TPD52L2: variants seen among roughly 807,000 people sequenced by gnomAD.
The protein encoded by TPD52L2 is TPD52 like 2.
A neutral mutation model predicts 24.7 loss-of-function variants in TPD52L2; 19 were observed. The ratio of observed to expected loss-of-function variants is 0.77; its 90% CI spans 0.54 to 1.13. TPD52L2 has a LOEUF of 1.13. Ranked by LOEUF, TPD52L2 falls within the 50% of genes most tolerant of loss-of-function variation. The probability of loss-of-function intolerance (pLI) is 0.00; values close to 1 mark genes in which losing one functional copy is unlikely to be tolerated. For missense variants in TPD52L2, 236 were observed against 250.4 expected (o/e 0.94, Z 0.39); for synonymous variants, 104 against 100.2 (o/e 1.04, Z -0.23).
chr20:63,868,626 A>G (rs2052348086), intron 1 of TPD52L2, among the ~76,000 whole-genome samples: 2 of 152,184 alleles, frequency 1.3e-5, no homozygotes, highest in South Asian at 4.1e-4. Context: ...TATATTAACC[A>G]TATTAGGTTC....
At chr20:63,873,568 TAAGCGGA>T in intron 2 of TPD52L2, 93 bp from the exon 3 acceptor site, 1 of 1,365,696 alleles carries the variant, frequency 7.3e-7, no homozygotes, top group East Asian at 2.7e-5. Context: ...AATGCTTTGG[TAAGCGGA>T]AAGTTCTTGT....
At chr20:63,869,572 G>A (rs1295066069) in intron 2 of TPD52L2, 131 bp downstream of exon 2, 4 of 1,131,786 alleles carry the variant, frequency 3.5e-6, no homozygotes, top group African/African-American at 3.1e-5. Flanking sequence ...TCTGTGTTCC[G>A]ACTGATAACG....
In TPD52L2 at chr20:63,866,116, A is replaced by C. The variant is rs28401205; in HGVS notation, c.19+732A>C. Among the ~76,000 whole-genome samples the C allele has an allele frequency of 1.9e-4, 28 of 148,706 alleles. No homozygotes were observed. The South Asian group carries it at 4.6e-3, about 24-fold the overall frequency. On this transcript the variant is annotated intron_variant, in intron 1 of 6. Coordinates refer to ENST00000346249, the MANE Select transcript of TPD52L2 (RefSeq NM_003288.4). Reference sequence around the variant, plus strand: ...TCTTTCTTTCTTTCTTTCTTTCTTTATTTTTTTGAGACGGAGTCTTGCTCT... The same window carrying C: ...TCTTTCTTTCTTTCTTTCTTTCTTTCTTTTTTTGAGACGGAGTCTTGCTCT...
At chr20:63,880,735 A>C (rs1192352252) in intron 4 of TPD52L2, among the ~76,000 whole-genome samples, 1 of 152,004 alleles carries the variant, frequency 6.6e-6, no homozygotes, top group African/African-American at 2.4e-5. Context: ...CCAAAAATAC[A>C]AAAAAATTAG....
intron 5 of TPD52L2, chr20:63,888,819 G>T (rs2053226432): frequency 3.5e-6 from 1 of 286,558 alleles, no homozygotes; most frequent in Non-Finnish European, 6.8e-6. Flanking sequence ...TGTCCCTGTA[G>T]GGGACAGCAG....
intron 5 of TPD52L2, among the ~76,000 whole-genome samples, chr20:63,884,523 G>A (rs1274828059): frequency 6.6e-6 from 1 of 152,224 alleles, no homozygotes; most frequent in Non-Finnish European, 1.5e-5. Flanking sequence ...CAGTCCTAGG[G>A]TTTTGATCTG....
At chr20:63,887,762 C>T (rs2053188353) in intron 5 of TPD52L2, 1 of 721,982 alleles carries the variant, frequency 1.4e-6, no homozygotes, top group South Asian at 1.7e-5. Context: ...CGGTAAAAAC[C>T]CCCTCTAGGC....
intron 3 of TPD52L2, among the ~76,000 whole-genome samples, chr20:63,875,461 T>A (rs1457984868): frequency 6.6e-6 from 1 of 152,252 alleles, no homozygotes; most frequent in Non-Finnish European, 1.5e-5. Context: ...GGCCCATGTT[T>A]TTGTCCTAGG....
chr20:63,866,975 C>T (rs553889503), intron 1 of TPD52L2, among the ~76,000 whole-genome samples: 5 of 147,342 alleles, frequency 3.4e-5, no homozygotes, highest in Non-Finnish European at 6.0e-5. Context: ...TTTTTTGAGA[C>T]GGATTTTCGC....
intron 3 of TPD52L2, among the ~76,000 whole-genome samples, chr20:63,874,375 T>TTTA (rs1019556453): frequency 6.6e-6 from 1 of 150,680 alleles, no homozygotes; most frequent in Non-Finnish European, 1.5e-5. Context: ...TTTTTTTTTT[T>TTTA]TTATTATTAT....
At chr20:63,884,233 C>T (rs866910177) in intron 5 of TPD52L2, among the ~76,000 whole-genome samples, 2 of 152,154 alleles carry the variant, frequency 1.3e-5, no homozygotes, top group Non-Finnish European at 2.9e-5. Context: ...AAATGCAGGT[C>T]TTCCCTACCA....
At chr20:63,888,904 G>A (rs1157426833) in intron 5 of TPD52L2, 1 of 527,174 alleles carries the variant, frequency 1.9e-6, no homozygotes, top group Non-Finnish European at 3.4e-6. Context: ...TCCCTGTAGG[G>A]TATGACAGAG....
At position 63,886,446 on chromosome 20, in the gene TPD52L2, C is replaced by T. The variant is rs543983562; in HGVS notation, c.477-2744C>T. On this transcript the variant is annotated intron_variant, in intron 5 of 6. Transcript: ENST00000346249. ...CGCGATCTCGGCTCACTGCAAGCTC[C>T]GCCTCCCGGGTTCACGCCATTCTCC... Among the ~76,000 whole-genome samples the T allele has an allele frequency of 2.8e-4, 43 of 151,022 alleles. No homozygotes were observed. The East Asian group carries it at 7.2e-3, about 25-fold the overall frequency.
intron 5 of TPD52L2, among the ~76,000 whole-genome samples, chr20:63,886,226 C>A (rs1225705968): frequency 2.0e-5 from 3 of 152,168 alleles, no homozygotes; most frequent in Non-Finnish European, 4.4e-5. Flanking sequence ...AGCGTGGGAT[C>A]GACGCAGAGG....
In TPD52L2 at chr20:63,871,601, C is replaced by T. The variant is rs1168373316; in HGVS notation, c.166-2067C>T. On this transcript the variant is annotated intron_variant, in intron 2 of 6. Coordinates refer to ENST00000346249, the MANE Select transcript of TPD52L2 (RefSeq NM_003288.4). ...CAGACCTCAGGTAATCTGCCTGCCT[C>T]AGCCTCCCATAGTGCTGGGATTACA... Among the ~76,000 whole-genome samples, 5 of 151,632 alleles carry T rather than the reference C, an allele frequency of 3.3e-5. No homozygotes were observed. In the East Asian group the frequency reaches 9.7e-4, roughly 29 times the overall value.
intron 4 of TPD52L2, among the ~76,000 whole-genome samples, chr20:63,876,488 G>C (rs926349610): frequency 2.6e-5 from 4 of 152,184 alleles, no homozygotes; most frequent in Admixed American, 6.5e-5. Flanking sequence ...CTAATATTTG[G>C]AGATCCTTAA....
In TPD52L2 at chr20:63,869,399, G is replaced by A. The variant is rs2052379941; in HGVS notation, c.123G>A (p.Leu41=). ...VAARTPAVEG[L]TEAEEEELRA... ...CCCGGACTCCTGCTGTTGAGGGTCT[G>A]ACAGAGGCTGAGGAGGAGGAGCTCA... Residue 41 remains leucine (L), a synonymous_variant, in exon 2 of 7, where the codon CTG becomes CTA. Coordinates refer to ENST00000346249, the MANE Select transcript of TPD52L2 (RefSeq NM_003288.4). 1 of 1,614,128 alleles carries A rather than the reference G, an allele frequency of 6.2e-7. No homozygotes were observed. The highest frequency in any genetic ancestry group is 1.3e-5 in the African/African-American group (1 of 74,948).
chr20:63,890,096 G>A lies in TPD52L2; in HGVS notation c.*151G>A, dbSNP rs771896274. On this transcript the variant is annotated 3_prime_UTR_variant, in exon 7 of 7. Coordinates refer to ENST00000346249, the MANE Select transcript of TPD52L2 (RefSeq NM_003288.4). ...CCATCCACGCGGAGATGTGGCTGCCGCGTTTGCATGAATTTGAAGAACACA... is the reference window on the plus strand; with the variant it reads ...CCATCCACGCGGAGATGTGGCTGCCACGTTTGCATGAATTTGAAGAACACA... The A allele has an allele frequency of 2.0e-5, 29 of 1,479,562 alleles. No homozygotes were observed. The East Asian group carries it at 2.2e-4, about 11-fold the overall frequency. 91.7% of individuals were successfully genotyped at this position (1,479,562 alleles called of 1,614,324 possible). A position where few individuals can be genotyped will look rare whatever the true frequency, so the allele number is the denominator to read the frequency against.
At chr20:63,884,706 T>A (rs1249946470) in intron 5 of TPD52L2, among the ~76,000 whole-genome samples, 1 of 151,942 alleles carries the variant, frequency 6.6e-6, no homozygotes, top group Admixed American at 6.6e-5. Flanking sequence ...GTGAGCAGAG[T>A]TCCTGTTGCA....
Sources: allele counts gnomAD v4.1 joint callset (sites outside exome capture counted in the v4.1 genomes callset), GRCh38; gene constraint gnomAD v4.1.1; transcripts MANE v1.5; gene names NCBI Gene and HGNC (gene_info 2026-07-23, HGNC 2026-07-21).